The following PALMD variants were observed in gnomAD, a reference collection of about 807,000 sequenced individuals.
PALMD encodes paralemmin-like protein.
Under a neutral mutation model 56.2 loss-of-function variants are expected in PALMD, and 42 were observed. The ratio of observed to expected loss-of-function variants is 0.75; its 90% CI spans 0.58 to 0.97. The LOEUF (loss-of-function observed/expected upper bound fraction) is 0.97, where lower values mean the gene tolerates loss of function less well. PALMD is among the 50% of genes least tolerant of loss of function. The probability of loss-of-function intolerance (pLI) is 0.00; values close to 1 mark genes in which losing one functional copy is unlikely to be tolerated. For missense variants in PALMD, 660 were observed against 643.8 expected, an observed-to-expected ratio of 1.03 and a Z score of -0.27; for synonymous variants, 242 against 222.9, an observed-to-expected ratio of 1.09 and a Z score of -0.76.
intron 1 of PALMD, among the ~76,000 whole-genome samples, chr1:99,658,485 A>G (rs1001588542): frequency 6.6e-6 from 1 of 150,884 alleles, no homozygotes; most frequent in Admixed American, 6.6e-5. Context: ...AAAATAAAAA[A>G]TATAGGCCGG....
rs199887886 is a variant in PALMD, at chr1:99,689,278, C to T, written c.1018C>T (p.Leu340Phe). ...RSVIQQAEEK[L>F]HTPQKRLMTP... ...AGTGATTCAACAAGCAGAAGAGAAG[C>T]TTCACACCCCGCAAAAAAGGCTAAT... Residue 340 changes from leucine to phenylalanine, a missense_variant, in exon 7 of 8, where the codon CTT becomes TTT. Transcript: ENST00000263174. The T allele has an allele frequency of 2.7e-5, 44 of 1,613,518 alleles. No individual in the cohort carries two copies. Among genetic ancestry groups the T allele is most frequent in the Admixed American group, 2.0e-4 (12 of 59,876 alleles).
At chr1:99,680,969 A>G (rs1472476424) in intron 3 of PALMD, among the ~76,000 whole-genome samples, 1 of 151,840 alleles carries the variant, frequency 6.6e-6, no homozygotes, top group East Asian at 1.9e-4. Flanking sequence ...ACATTATCTC[A>G]TGATGATTAA....
chr1:99,681,017 T>C (rs1005876073), intron 3 of PALMD, among the ~76,000 whole-genome samples: 11 of 152,054 alleles, frequency 7.2e-5, no homozygotes, highest in Non-Finnish European at 1.6e-4. Context: ...AAATGAAAGC[T>C]ACCTGCTTTT....
At position 99,694,016 on chromosome 1, in the gene PALMD, C is replaced by A; in HGVS notation, c.1613-3C>A. 6.3e-7 allele frequency: 1 copy of A among 1,590,886 alleles called. No individual in the cohort carries two copies. Among genetic ancestry groups the A allele is most frequent in the Non-Finnish European group, 8.6e-7 (1 of 1,164,804 alleles). The stretch of plus-strand genomic sequence containing the variant: ...ACTCTCTTTTTTTTTCTTTAATTTG[C>A]AGCTTTAAGGATGAGAATGGCAAAG... On this transcript the variant is annotated splice_polypyrimidine_tract_variant and splice_region_variant and intron_variant, in intron 7 of 7. Coordinates refer to ENST00000263174, the MANE Select transcript of PALMD (RefSeq NM_017734.5).
chr1:99,658,684 T>A (rs903151220), intron 1 of PALMD, among the ~76,000 whole-genome samples: 1 of 151,896 alleles, frequency 6.6e-6, no homozygotes, highest in East Asian at 1.9e-4. Flanking sequence ...GGCAGGAGAA[T>A]GGCGTGAATC....
rs77107893 is a variant in PALMD at position 99,652,740 on chromosome 1, G to GAAAAGAAAAGAAAAGAAAAGAAAAGA, written c.45+6381_45+6382insAGAAAAGAAAAGAAAAGAAAAGAAAA. Among the ~76,000 whole-genome samples the GAAAAGAAAAGAAAAGAAAAGAAAAGA allele has an allele frequency of 2.2e-3, 166 of 77,184 alleles. 3 individuals carry two copies. The highest frequency in any genetic ancestry group is 3.4e-3 in the Non-Finnish European group (127 of 37,700). The allele number at this position is 77,184 out of a possible 152,430, so 50.6% of individuals were successfully genotyped here. A position where few individuals can be genotyped will look rare whatever the true frequency, so the allele number is the denominator to read the frequency against. ...GAAAAGAAAAGAAAAGAAAAGAAAA[G>GAAAAGAAAAGAAAAGAAAAGAAAAGA]AAAGAAAACTTCCTCAGATTTCTAT... On this transcript the variant is annotated intron_variant, in intron 1 of 7. Coordinates refer to ENST00000263174, the MANE Select transcript of PALMD (RefSeq NM_017734.5).
In PALMD at chr1:99,689,677, T is replaced by G; in HGVS notation, c.1417T>G (p.Tyr473Asp). 1 of 1,613,720 alleles carries G rather than the reference T, an allele frequency of 6.2e-7. No homozygotes were observed. Among genetic ancestry groups the G allele is most frequent in the Non-Finnish European group, 8.5e-7 (1 of 1,179,836 alleles). Residue 473 changes from tyrosine (Y) to aspartate (D), a missense_variant, in exon 7 of 8, where the codon TAC becomes GAC. Coordinates refer to ENST00000263174, the MANE Select transcript of PALMD (RefSeq NM_017734.5). Reference sequence around the variant, plus strand: ...CCCCATAGCTCCCCATAGTCAGGTGTACCAGCCAGCCAAACCAACACCACT... The same window carrying G: ...CCCCATAGCTCCCCATAGTCAGGTGGACCAGCCAGCCAAACCAACACCACT... ...YHPIAPHSQV[Y>D]QPAKPTPLPR...
chr1:99,655,469 C>G (rs1652701260), intron 1 of PALMD, among the ~76,000 whole-genome samples: 1 of 152,024 alleles, frequency 6.6e-6, no homozygotes, highest in African/African-American at 2.4e-5. Context: ...ATACCACATT[C>G]CTTGTCTGGA....
chr1:99,651,652 G>A (rs1652588616), intron 1 of PALMD, among the ~76,000 whole-genome samples: 1 of 152,216 alleles, frequency 6.6e-6, no homozygotes, highest in South Asian at 2.1e-4. Flanking sequence ...ATTTTGGGAA[G>A]AGACTCCATG....
At chr1:99,667,369 G>A (rs145923226) in intron 2 of PALMD, among the ~76,000 whole-genome samples, 134 of 152,278 alleles carry the variant, frequency 8.8e-4, no homozygotes, top group Non-Finnish European at 1.6e-3. Flanking sequence ...GGGGCTGCCA[G>A]GAGTATGGGG....
intron 7 of PALMD, among the ~76,000 whole-genome samples, chr1:99,693,497 C>A (rs916033709): frequency 2.6e-5 from 4 of 152,162 alleles, no homozygotes; most frequent in African/African-American, 9.7e-5. Flanking sequence ...ATTTTATAAT[C>A]ACTCCAGCTT....
At chr1:99,687,382 T>A (rs748000708) in intron 6 of PALMD, among the ~76,000 whole-genome samples, 193 bp downstream of exon 6, 12 of 152,126 alleles carry the variant, frequency 7.9e-5, no homozygotes. Flanking sequence ...TTCCATGCAT[T>A]TTATTCCCTA....
In PALMD at chr1:99,678,325, G is replaced by A. The variant is rs371311510; in HGVS notation, c.252-8351G>A. 7.2e-5 allele frequency among the ~76,000 whole-genome samples: 11 copies of A among 151,786 alleles called. 1 individual carries two copies. Among genetic ancestry groups the A allele is most frequent in the Admixed American group, 5.9e-4 (9 of 15,234 alleles). On this transcript the variant is annotated intron_variant, in intron 3 of 7. Transcript: ENST00000263174. ...TCACCATGTTGGCCGGGCTGGTCTC[G>A]AACTCCTGATCTCAAGTTATCCACT...
chr1:99,674,400 C>T (rs1391677035), intron 3 of PALMD, among the ~76,000 whole-genome samples: 2 of 152,120 alleles, frequency 1.3e-5, no homozygotes, highest in Non-Finnish European at 2.9e-5. Flanking sequence ...TAATTAGCCT[C>T]ATTTTGTACA....
At chr1:99,655,790 G>A (rs1267700689) in intron 1 of PALMD, among the ~76,000 whole-genome samples, 3 of 152,050 alleles carry the variant, frequency 2.0e-5, no homozygotes, top group Non-Finnish European at 4.4e-5. Context: ...ACCCTTTTGA[G>A]GATCAAGATT....
intron 1 of PALMD, among the ~76,000 whole-genome samples, chr1:99,649,692 C>T (rs1168074775): frequency 6.6e-6 from 1 of 152,182 alleles, no homozygotes; most frequent in Non-Finnish European, 1.5e-5. Flanking sequence ...TACCCCCATG[C>T]CTACAGCGAC....
chr1:99,667,597 T>C, intron 2 of PALMD, 45 bp from the exon 3 acceptor site: 2 of 1,560,362 alleles, frequency 1.3e-6, no homozygotes, highest in African/African-American at 1.4e-5. Context: ...ATTTTGGAAA[T>C]TATTGACCAA....
intron 3 of PALMD, among the ~76,000 whole-genome samples, chr1:99,678,096 G>T (rs912274901): frequency 1.3e-5 from 2 of 151,282 alleles, no homozygotes; most frequent in African/African-American, 4.9e-5. Context: ...AAGGAGAAAA[G>T]TGTAAGTCCT....
chr1:99,691,917 C>T (rs1168485947), intron 7 of PALMD, among the ~76,000 whole-genome samples: 3 of 151,922 alleles, frequency 2.0e-5, no homozygotes, highest in South Asian at 2.1e-4. Context: ...TGGAAAACAG[C>T]GTGAAGAAGA....
Sources: gnomAD v4.1 joint callset for allele counts (sites outside exome capture counted in the v4.1 genomes callset) on GRCh38, gnomAD v4.1.1 for gene constraint, MANE v1.5 for transcripts, NCBI Gene and HGNC (gene_info 2026-07-23, HGNC 2026-07-21) for gene names.